SDK1: variants seen among roughly 807,000 people sequenced by gnomAD.
SDK1 encodes protein sidekick-1.
A neutral mutation model predicts 245.5 loss-of-function variants in SDK1; 157 were observed. The observed-to-expected ratio is 0.64, with a 90% CI of 0.56 to 0.73. The LOEUF (loss-of-function observed/expected upper bound fraction) is 0.73. SDK1 is among the 30% of genes least tolerant of loss of function. SDK1 has a pLI of 0.00. For missense variants in SDK1, 3,583 were observed against 3,002.3 expected (o/e 1.19, Z -4.52); for synonymous variants, 1,647 against 1,278.5 (o/e 1.29, Z -6.15).
chr7:4,111,746 G>A (rs1034963544), intron 23 of SDK1, among the ~76,000 whole-genome samples: 2 of 152,216 alleles, frequency 1.3e-5, no homozygotes, highest in African/African-American at 4.8e-5. Flanking sequence ...CAGTGTCCCT[G>A]TCTGAAACTC....
At chr7:3,506,655 C>T (rs1482032792) in intron 1 of SDK1, among the ~76,000 whole-genome samples, 1 of 152,122 alleles carries the variant, frequency 6.6e-6, no homozygotes, top group Non-Finnish European at 1.5e-5. Flanking sequence ...TCCCCCTGCT[C>T]CCCAACCTTC....
At chr7:3,903,158 T>G (rs1189942618) in intron 5 of SDK1, among the ~76,000 whole-genome samples, 1 of 151,600 alleles carries the variant, frequency 6.6e-6, no homozygotes, top group African/African-American at 2.4e-5. Context: ...TGTTTTTTTT[T>G]TTTTGAGACA....
In SDK1 at chr7:3,499,085, A is replaced by G. The variant is rs116746427; in HGVS notation, c.299-119995A>G. Among the ~76,000 whole-genome samples, 391 of 152,362 alleles carry G rather than the reference A, an allele frequency of 2.6e-3. 5 individuals are homozygous for G. The highest frequency in any genetic ancestry group is 9.1e-3 in the African/African-American group (378 of 41,592). ...ACACTGTAATACAAATGCATTCAGT[A>G]AAGTGTGCCCTTTCTACAACTCTTG... On this transcript the variant is annotated intron_variant, in intron 1 of 44. Coordinates refer to ENST00000404826, the MANE Select transcript of SDK1 (RefSeq NM_152744.4).
rs751793571 is a variant in SDK1, at chr7:3,573,459, C to T, written c.299-45621C>T. Among the ~76,000 whole-genome samples the T allele has an allele frequency of 3.4e-5, 5 of 147,644 alleles. No homozygotes were observed. The Admixed American group carries it at 3.5e-4, about 10-fold the overall frequency. ...TGTTTGTTCAAGGGCCCAGGGAAGACAGGCTTTGGGGAGCCCCCATCACAG... is the reference window on the plus strand; with the variant it reads ...TGTTTGTTCAAGGGCCCAGGGAAGATAGGCTTTGGGGAGCCCCCATCACAG... On this transcript the variant is annotated intron_variant, in intron 1 of 44. Coordinates refer to ENST00000404826, the MANE Select transcript of SDK1 (RefSeq NM_152744.4).
intron 14 of SDK1, among the ~76,000 whole-genome samples, chr7:4,010,641 G>A (rs559179988): frequency 4.6e-5 from 7 of 152,294 alleles, no homozygotes; most frequent in African/African-American, 1.7e-4. Context: ...CATGTGAGCC[G>A]ACGGAGAACT....
chr7:3,799,006 T>C (rs1280740680), intron 4 of SDK1, among the ~76,000 whole-genome samples: 1 of 152,206 alleles, frequency 6.6e-6, no homozygotes, highest in Non-Finnish European at 1.5e-5. Context: ...TTTATTAATT[T>C]GAATTCTCCT....
chr7:4,229,599 C>T (rs1477751961), intron 40 of SDK1, among the ~76,000 whole-genome samples: 1 of 151,778 alleles, frequency 6.6e-6, no homozygotes, highest in Non-Finnish European at 1.5e-5. Flanking sequence ...TCCTCAGGAG[C>T]AGGAAAGCAT....
At chr7:3,538,496 C>T (rs1013254729) in intron 1 of SDK1, among the ~76,000 whole-genome samples, 2 of 152,174 alleles carry the variant, frequency 1.3e-5, no homozygotes, top group Middle Eastern at 3.2e-3. Context: ...AATGTCATTT[C>T]GACTCCAACA....
intron 35 of SDK1, among the ~76,000 whole-genome samples, chr7:4,201,001 G>A (rs1289562088): frequency 6.6e-6 from 1 of 152,218 alleles, no homozygotes; most frequent in Non-Finnish European, 1.5e-5. Context: ...AGCTCATGTA[G>A]GGACCTGAAG....
chr7:3,954,387 C>G (rs1471965993), intron 7 of SDK1, among the ~76,000 whole-genome samples: 1 of 39,796 alleles, frequency 2.5e-5, no homozygotes. Context: ...CCTCTACACC[C>G]TCCCCTCCTG....
intron 1 of SDK1, among the ~76,000 whole-genome samples, chr7:3,576,302 C>T (rs1046324766): frequency 6.6e-6 from 1 of 152,086 alleles, no homozygotes; most frequent in Non-Finnish European, 1.5e-5. Flanking sequence ...GTGGCCACAC[C>T]CAGGTGAAAG....
At chr7:4,216,448 A>G (rs906976519) in intron 38 of SDK1, among the ~76,000 whole-genome samples, 5 of 152,134 alleles carry the variant, frequency 3.3e-5, no homozygotes, top group African/African-American at 9.7e-5. Flanking sequence ...GGGGACTCTG[A>G]AAAATCCAGA....
At chr7:3,568,063 C>T (rs573945588) in intron 1 of SDK1, among the ~76,000 whole-genome samples, 16 of 152,272 alleles carry the variant, frequency 1.1e-4, no homozygotes, top group East Asian at 5.8e-4. Context: ...TCAAGCAATC[C>T]TCCCACCTTA....
At chr7:3,967,504 T>G in intron 10 of SDK1, 70 bp downstream of exon 10, 1 of 889,026 alleles carries the variant, frequency 1.1e-6, no homozygotes, top group East Asian at 2.4e-5. Flanking sequence ...AGTGCTTGCT[T>G]CTTATTCACT....
intron 1 of SDK1, among the ~76,000 whole-genome samples, chr7:3,615,784 A>G (rs1357209258): frequency 6.6e-6 from 1 of 151,128 alleles, no homozygotes; most frequent in Non-Finnish European, 1.5e-5. Flanking sequence ...GTGTCCTCCC[A>G]CTATTCCACG....
At chr7:4,200,618 A>G (rs1006254685) in intron 35 of SDK1, among the ~76,000 whole-genome samples, 5 of 152,330 alleles carry the variant, frequency 3.3e-5, no homozygotes, top group Non-Finnish European at 2.9e-5. Context: ...GTTCCTTGCC[A>G]TGAAGGGCCT....
chr7:3,942,965 C>G (rs1380756512), intron 5 of SDK1, among the ~76,000 whole-genome samples: 3 of 152,174 alleles, frequency 2.0e-5, no homozygotes, highest in African/African-American at 7.2e-5. Flanking sequence ...TCATTGTTTT[C>G]TGGTGTGGCA....
intron 31 of SDK1, among the ~76,000 whole-genome samples, chr7:4,159,112 T>G (rs1014198488): frequency 1.3e-5 from 2 of 152,280 alleles, no homozygotes; most frequent in Admixed American, 6.5e-5. Context: ...GAGTGGATGG[T>G]GGGTAATAGC....
intron 1 of SDK1, among the ~76,000 whole-genome samples, chr7:3,582,611 C>G (rs1047361688): frequency 7.2e-6 from 1 of 138,472 alleles, no homozygotes; most frequent in Non-Finnish European, 1.5e-5. Context: ...ACAAAGTAAT[C>G]TATGTAATGA....
Sources: allele counts gnomAD v4.1 joint callset (sites outside exome capture counted in the v4.1 genomes callset), GRCh38; gene constraint gnomAD v4.1.1; transcripts MANE v1.5; gene names NCBI Gene and HGNC (gene_info 2026-07-23, HGNC 2026-07-21).